The following NLGN4Y variants were observed in gnomAD, a reference collection of about 807,000 sequenced individuals.
The protein encoded by NLGN4Y is neuroligin 4 Y-linked, also known as neuroligin-4, Y-linked.
In NLGN4Y, 4 loss-of-function variants were observed where a neutral mutation model predicts 8.4. The ratio of observed to expected loss-of-function variants is 0.48; its 90% CI spans 0.23 to 1.09. NLGN4Y has a LOEUF of 1.09. NLGN4Y is among the 50% of genes least tolerant of loss of function. The pLI is 0.19. For synonymous variants in NLGN4Y, 35 were observed against 75.6 expected (o/e 0.46, Z 2.78); for missense variants, 90 against 192.3 (o/e 0.47, Z 3.15).
intron 1 of NLGN4Y, among the ~76,000 whole-genome samples, chrY:14,586,543 G>A (rs998332190): frequency 3.1e-5 from 1 of 32,680 alleles, no homozygotes; most frequent in African/African-American, 1.2e-4. Flanking sequence ...TGAACGAAAC[G>A]TAGAGGCCGG....
chrY:14,635,778 G>A, intron 2 of NLGN4Y, among the ~76,000 whole-genome samples: 1 of 30,442 alleles, frequency 3.3e-5, no homozygotes, highest in Non-Finnish European at 7.8e-5. Flanking sequence ...TTTTAGTAGA[G>A]ATGGGGTTTC....
intron 1 of NLGN4Y, among the ~76,000 whole-genome samples, chrY:14,597,318 C>G (rs939933359): frequency 4.6e-4 from 15 of 32,669 alleles, no homozygotes; most frequent in Non-Finnish European, 6.8e-4. Context: ...AAAAAACTAA[C>G]CTTCCACAGT....
chrY:14,663,647 T>C (rs2080682707), intron 2 of NLGN4Y, among the ~76,000 whole-genome samples: 1 of 31,936 alleles, frequency 3.1e-5, no homozygotes, highest in Non-Finnish European at 7.6e-5. Context: ...TCGTCTCCAC[T>C]AAAAATACAA....
chrY:14,593,346 C>A (rs932007155), intron 1 of NLGN4Y, among the ~76,000 whole-genome samples: 1 of 33,688 alleles, frequency 3.0e-5, no homozygotes, highest in Non-Finnish European at 7.4e-5. Flanking sequence ...AGGGATAATT[C>A]TTTTGGCACA....
Position 14,843,639 on chromosome Y carries a change from T to C in NLGN4Y, c.*2377T>C, listed in dbSNP as rs2043235921. The C allele has an allele frequency of 8.3e-6, 1 of 119,962 alleles. No homozygotes were observed. Among genetic ancestry groups the C allele is most frequent in the African/African-American group, 9.5e-5 (1 of 10,501 alleles). 29.9% of individuals were successfully genotyped at this position (119,962 alleles called of 400,897 possible). On this transcript the variant is annotated 3_prime_UTR_variant, in exon 7 of 7. Transcript: ENST00000684976. ...GGGATTATGATTAAAAGTGATTTAG[T>C]ACATCTTACATGATATCTCATTTCT...
intron 2 of NLGN4Y, among the ~76,000 whole-genome samples, chrY:14,674,522 T>G: frequency 3.1e-5 from 1 of 32,124 alleles, no homozygotes; most frequent in Non-Finnish European, 7.5e-5. Flanking sequence ...TTGTTTGTTT[T>G]TTTAGTATTC....
At chrY:14,743,066 G>A (rs767129564) in intron 4 of NLGN4Y, among the ~76,000 whole-genome samples, 268 of 33,054 alleles carry the variant, frequency 8.1e-3, no homozygotes, top group African/African-American at 0.029. Flanking sequence ...TACAGATCAC[G>A]TTAGCTAATT....
At chrY:14,715,226 C>G in intron 2 of NLGN4Y, among the ~76,000 whole-genome samples, 1 of 33,202 alleles carries the variant, frequency 3.0e-5, no homozygotes, top group African/African-American at 1.2e-4. Flanking sequence ...GGCAATTCCT[C>G]AAGGATCTGG....
chrY:14,557,593 GTCATC>G (rs2080214350), intron 1 of NLGN4Y, among the ~76,000 whole-genome samples: 6 of 33,242 alleles, frequency 1.8e-4, no homozygotes, highest in Non-Finnish European at 3.7e-4. Context: ...GAGGTGTGGT[GTCATC>G]TTGGTTTTTT....
chrY:14,757,615 TG>T (rs2081065726), intron 4 of NLGN4Y, among the ~76,000 whole-genome samples: 2 of 34,041 alleles, frequency 5.9e-5, no homozygotes, highest in African/African-American at 2.3e-4. Flanking sequence ...CTCATGTTGT[TG>T]CCCAGGCTGG....
intron 1 of NLGN4Y, among the ~76,000 whole-genome samples, chrY:14,577,086 A>G (rs2080301953): frequency 2.9e-5 from 1 of 34,023 alleles, no homozygotes; most frequent in Non-Finnish European, 7.3e-5. Flanking sequence ...TGTACTGTAC[A>G]ATATGTTCAC....
intron 1 of NLGN4Y, among the ~76,000 whole-genome samples, chrY:14,593,242 T>C (rs921919292): frequency 3.0e-5 from 1 of 33,718 alleles, no homozygotes; most frequent in Non-Finnish European, 7.3e-5. Context: ...TTGAAATCCC[T>C]TTGACTTAGG....
chrY:14,733,311 T>C, intron 4 of NLGN4Y: 1 of 135,514 alleles, frequency 7.4e-6, no homozygotes, highest in Non-Finnish European at 1.4e-5. Flanking sequence ...ATTTGCAAAA[T>C]ATCTAGTGTA....
intron 1 of NLGN4Y, among the ~76,000 whole-genome samples, chrY:14,560,776 A>G: frequency 3.0e-5 from 1 of 33,711 alleles, no homozygotes; most frequent in Non-Finnish European, 7.4e-5. Context: ...TTCTCTGGAT[A>G]TAAATGTTTT....
chrY:14,550,184 C>T, intron 1 of NLGN4Y, among the ~76,000 whole-genome samples: 1 of 34,216 alleles, frequency 2.9e-5, no homozygotes, highest in East Asian at 7.7e-4. Context: ...TGAACTGCCA[C>T]AGAATGGTTA....
intron 6 of NLGN4Y, among the ~76,000 whole-genome samples, chrY:14,837,571 TAAAAACTA>T (rs2043201694): frequency 1.2e-4 from 4 of 33,338 alleles, no homozygotes; most frequent in South Asian, 6.6e-4. Flanking sequence ...TTATGCTGAA[TAAAAACTA>T]AAAAAATAAA....
chrY:14,563,122 C>T (rs2080240240), intron 1 of NLGN4Y, among the ~76,000 whole-genome samples: 3 of 33,867 alleles, frequency 8.9e-5, no homozygotes, highest in South Asian at 6.5e-4. Context: ...TCTCTTGTGA[C>T]GGTTTTCAAA....
At chrY:14,573,836 G>A in intron 1 of NLGN4Y, among the ~76,000 whole-genome samples, 1 of 33,542 alleles carries the variant, frequency 3.0e-5, no homozygotes, top group Non-Finnish European at 7.4e-5. Context: ...CTTTATTTCT[G>A]CCTTCATTTC....
intron 1 of NLGN4Y, among the ~76,000 whole-genome samples, chrY:14,587,969 G>A (rs2080347079): frequency 1.0e-3 from 35 of 33,449 alleles, no homozygotes; most frequent in Non-Finnish European, 7.4e-5. Flanking sequence ...ATGAAAGAGA[G>A]CATGGCTCAA....
Sources: allele counts gnomAD v4.1 joint callset (sites outside exome capture counted in the v4.1 genomes callset), GRCh38; gene constraint gnomAD v4.1.1; transcripts MANE v1.5; gene names NCBI Gene and HGNC (gene_info 2026-07-23, HGNC 2026-07-21).